NAALADL2: variants seen among roughly 807,000 people sequenced by gnomAD.
NAALADL2 encodes the protein inactive N-acetylated-alpha-linked acidic dipeptidase-like protein 2.
In NAALADL2, 76 loss-of-function variants were observed where a neutral mutation model predicts 87.2. The ratio of observed to expected loss-of-function variants is 0.87; its 90% confidence interval spans 0.72 to 1.05. NAALADL2 has a LOEUF of 1.05. Among genes scored for constraint, NAALADL2 ranks in the 50% least tolerant of loss-of-function variants. The pLI is 0.00. For synonymous variants in NAALADL2, 354 were observed against 331.0 expected, an observed-to-expected ratio of 1.07 and a Z score of -0.75; for missense variants, 1,089 against 945.8, an observed-to-expected ratio of 1.15 and a Z score of -1.99.
At chr3:174,548,590 A>C (rs1184565370) in intron 1 of NAALADL2, among the ~76,000 whole-genome samples, 1 of 152,186 alleles carries the variant, frequency 6.6e-6, no homozygotes, top group Middle Eastern at 3.2e-3. Context: ...GCTGGTGACA[A>C]TAAGTAAGGC....
intron 2 of NAALADL2, among the ~76,000 whole-genome samples, chr3:175,232,829 G>T (rs1299994957): frequency 6.6e-6 from 1 of 151,980 alleles, no homozygotes; most frequent in Non-Finnish European, 1.5e-5. Context: ...CTTTTAAGAA[G>T]ATACATTTTT....
chr3:175,754,714 A>G (rs1747035824), intron 12 of NAALADL2, among the ~76,000 whole-genome samples: 1 of 152,178 alleles, frequency 6.6e-6, no homozygotes. Context: ...AGTCAGAAAG[A>G]TCAAACTTCT....
intron 3 of NAALADL2, among the ~76,000 whole-genome samples, chr3:175,248,822 C>T (rs1379294093): frequency 1.3e-5 from 2 of 152,056 alleles, no homozygotes; most frequent in Non-Finnish European, 2.9e-5. Context: ...TAATCAACTG[C>T]AATCATAGTT....
intron 3 of NAALADL2, among the ~76,000 whole-genome samples, chr3:174,767,264 CT>C (rs1713932886): frequency 6.6e-6 from 1 of 152,140 alleles, no homozygotes; most frequent in South Asian, 2.1e-4. Context: ...CAGATTAGAC[CT>C]TTCAAATCTT....
At chr3:174,862,219 A>G (rs973539464) in intron 1 of NAALADL2, among the ~76,000 whole-genome samples, 2 of 151,954 alleles carry the variant, frequency 1.3e-5, no homozygotes, top group Non-Finnish European at 2.9e-5. Context: ...TTGTGAAGGG[A>G]AGGATCATTT....
intron 9 of NAALADL2, among the ~76,000 whole-genome samples, chr3:175,521,010 A>G (rs1218831691): frequency 1.3e-5 from 2 of 152,158 alleles, no homozygotes; most frequent in African/African-American, 4.8e-5. Flanking sequence ...TAAAAGTTGA[A>G]TAGTGTCTCC....
intron 11 of NAALADL2, among the ~76,000 whole-genome samples, chr3:175,726,479 A>G (rs1022421916): frequency 3.9e-5 from 6 of 152,088 alleles, no homozygotes; most frequent in African/African-American, 1.4e-4. Context: ...GAATCAATAC[A>G]CTGCTCCCTT....
chr3:174,684,971 C>T (rs1160494880), intron 2 of NAALADL2, among the ~76,000 whole-genome samples: 1 of 152,004 alleles, frequency 6.6e-6, no homozygotes, highest in African/African-American at 2.4e-5. Flanking sequence ...TTGTCTGGTT[C>T]CTCTCATCTC....
intron 5 of NAALADL2, among the ~76,000 whole-genome samples, chr3:175,380,161 G>C (rs1024466509): frequency 1.3e-5 from 2 of 151,886 alleles, no homozygotes; most frequent in Non-Finnish European, 2.9e-5. Flanking sequence ...TAACAAACCT[G>C]CATGTTGTGC....
At chr3:175,200,255 C>T (rs941407371) in intron 2 of NAALADL2, among the ~76,000 whole-genome samples, 4 of 152,024 alleles carry the variant, frequency 2.6e-5, no homozygotes, top group African/African-American at 9.7e-5. Flanking sequence ...TGATTGTAGC[C>T]TGAGGAATGT....
At chr3:175,332,443 G>C (rs1473277811) in intron 5 of NAALADL2, among the ~76,000 whole-genome samples, 1 of 152,144 alleles carries the variant, frequency 6.6e-6, no homozygotes, top group African/African-American at 2.4e-5. Flanking sequence ...TGGGACCAAA[G>C]GGATGTGCCA....
At chr3:175,292,712 T>C (rs1755790287) in intron 4 of NAALADL2, among the ~76,000 whole-genome samples, 1 of 151,650 alleles carries the variant, frequency 6.6e-6, no homozygotes, top group African/African-American at 2.4e-5. Flanking sequence ...CACCATGAGG[T>C]AGGCTGTGTA....
At chr3:175,057,719 C>T (rs1031628006) in intron 1 of NAALADL2, among the ~76,000 whole-genome samples, 2 of 152,168 alleles carry the variant, frequency 1.3e-5, no homozygotes, top group African/African-American at 4.8e-5. Context: ...ACTAAGATTC[C>T]TGCTTATACT....
intron 9 of NAALADL2, among the ~76,000 whole-genome samples, chr3:175,482,449 A>C (rs1313261869): frequency 3.3e-5 from 5 of 151,934 alleles, no homozygotes; most frequent in African/African-American, 4.8e-5. Flanking sequence ...CGGTCTTTTA[A>C]TCTGTCAGTG....
intron 9 of NAALADL2, among the ~76,000 whole-genome samples, chr3:175,483,282 C>T (rs1726775438): frequency 6.7e-6 from 1 of 149,328 alleles, no homozygotes; most frequent in African/African-American, 2.5e-5. Context: ...AAGCTATGTG[C>T]CAGGCATAAA....
At chr3:175,547,503 G>C (rs1713556456) in intron 9 of NAALADL2, among the ~76,000 whole-genome samples, 1 of 152,098 alleles carries the variant, frequency 6.6e-6, no homozygotes, top group South Asian at 2.1e-4. Flanking sequence ...CATAGACAAA[G>C]ATTTCATGAC....
chr3:175,382,851 T>G (rs888003712), intron 5 of NAALADL2, among the ~76,000 whole-genome samples: 1 of 151,966 alleles, frequency 6.6e-6, no homozygotes, highest in African/African-American at 2.4e-5. Flanking sequence ...TTTAAAAAAA[T>G]AAGAGGAATG....
intron 3 of NAALADL2, among the ~76,000 whole-genome samples, chr3:174,845,339 G>A (rs1724496652): frequency 6.6e-6 from 1 of 152,172 alleles, no homozygotes; most frequent in African/African-American, 2.4e-5. Flanking sequence ...CTGAGTGGCT[G>A]TACTGGCTCT....
intron 11 of NAALADL2, among the ~76,000 whole-genome samples, chr3:175,637,613 C>T (rs1403231539): frequency 6.6e-6 from 1 of 152,168 alleles, no homozygotes; most frequent in African/African-American, 2.4e-5. Flanking sequence ...TTGCTCTCAC[C>T]ATGTGATCTC....
Sources: allele counts gnomAD v4.1 joint callset (sites outside exome capture counted in the v4.1 genomes callset), GRCh38; gene constraint gnomAD v4.1.1; transcripts MANE v1.5; gene names NCBI Gene and HGNC (gene_info 2026-07-23, HGNC 2026-07-21).